The following TRAK1 variants were observed in gnomAD, a reference collection of about 807,000 sequenced individuals.
The protein encoded by TRAK1 is trafficking kinesin protein 1, also known as trafficking kinesin-binding protein 1.
Under a neutral mutation model 92.1 loss-of-function variants are expected in TRAK1, and 33 were observed. That is an observed-to-expected ratio of 0.36 (90% CI 0.27 to 0.48). The LOEUF (loss-of-function observed/expected upper bound fraction) is 0.48. Ranked by LOEUF, TRAK1 falls within the 20% of genes least tolerant of loss-of-function variation. TRAK1 has a pLI of 0.99. For synonymous variants in TRAK1, 521 were observed against 517.3 expected (o/e 1.01, Z -0.10); for missense variants, 1,123 against 1,257.9 (o/e 0.89, Z 1.62).
chr3:42,149,773 G>A (rs901357465), intron 2 of TRAK1, among the ~76,000 whole-genome samples: 1 of 152,082 alleles, frequency 6.6e-6, no homozygotes, highest in African/African-American at 2.4e-5. Flanking sequence ...GTGGCAGGTG[G>A]GCAGGGCTCT....
intron 1 of TRAK1, among the ~76,000 whole-genome samples, chr3:42,039,514 C>G (rs1470364671): frequency 6.6e-6 from 1 of 152,194 alleles, no homozygotes; most frequent in Non-Finnish European, 1.5e-5. Flanking sequence ...CAGGTGCACA[C>G]CAACATGCCC....
intron 2 of TRAK1, among the ~76,000 whole-genome samples, chr3:42,135,520 G>A (rs1158892591): frequency 6.6e-6 from 1 of 152,104 alleles, no homozygotes; most frequent in Non-Finnish European, 1.5e-5. Context: ...TTGAAGCCAG[G>A]CATTGAGACC....
intron 1 of TRAK1, among the ~76,000 whole-genome samples, chr3:42,071,756 C>G (rs975482838): frequency 6.6e-6 from 1 of 151,746 alleles, no homozygotes; most frequent in African/African-American, 2.4e-5. Context: ...TCTTTCTCCC[C>G]CAGAGACCCC....
At position 42,191,623 on chromosome 3, in the gene TRAK1, C is replaced by T. The variant is rs151106971; in HGVS notation, c.756C>T (p.Cys252=). The change falls in exon 7 of 16, where the codon TGC becomes TGT. Residue 252 remains cysteine, a synonymous_variant. Transcript: ENST00000327628. ...AGGAGCAGCAGCTGGTCAATGACTG[C>T]GTGAAGGAGCTGAGTATGTCCCCGC... ...EEKEQQLVND[C]VKELRDANVQ... is the part of the protein sequence containing the mutation. The T allele has an allele frequency of 1.1e-4, 178 of 1,601,820 alleles. No individual in the cohort carries two copies. Among genetic ancestry groups the T allele is most frequent in the Admixed American group, 1.4e-4 (8 of 58,488 alleles).
chr3:42,157,668 A>G (rs1443043396), intron 2 of TRAK1, among the ~76,000 whole-genome samples: 2 of 152,054 alleles, frequency 1.3e-5, no homozygotes, highest in African/African-American at 4.8e-5. Context: ...GTTGGCCTGT[A>G]TTGTTCAAAA....
intron 1 of TRAK1, among the ~76,000 whole-genome samples, chr3:42,035,908 C>T (rs1188676001): frequency 6.6e-6 from 1 of 152,254 alleles, no homozygotes; most frequent in Non-Finnish European, 1.5e-5. Context: ...ACCCTACTTG[C>T]TTCTCTGCAC....
chr3:42,191,530 G>A (rs749722234), intron 6 of TRAK1, 28 bp from the exon 7 acceptor site: 2 of 1,565,554 alleles, frequency 1.3e-6, no homozygotes, highest in South Asian at 1.2e-5. Context: ...TGAGAATGTG[G>A]GGCCTCTGAC....
chr3:42,024,223 C>G (rs2148884068), intron 1 of TRAK1, among the ~76,000 whole-genome samples: 1 of 152,170 alleles, frequency 6.6e-6, no homozygotes, highest in East Asian at 1.9e-4. Context: ...GGGAGAAGAC[C>G]AGAATTGCTG....
chr3:42,100,154 A>G (rs769095297), intron 1 of TRAK1, among the ~76,000 whole-genome samples: 3 of 152,122 alleles, frequency 2.0e-5, no homozygotes, highest in African/African-American at 7.2e-5. Context: ...CAGCCAAGGA[A>G]TTTGAAGCCA....
rs1710668297 is a variant in TRAK1 at position 42,225,105 on chromosome 3, T to A, written c.*1368T>A. On this transcript the variant is annotated 3_prime_UTR_variant, in exon 16 of 16. Transcript: ENST00000327628. The stretch of plus-strand genomic sequence containing the variant: ...TTATTTATGTCTGCCGTATTTTAAA[T>A]AAACATTCTCGTTCCTTCCAGTTTC... 1 of 152,242 alleles carries A rather than the reference T, an allele frequency of 6.6e-6. No individual in the cohort carries two copies. The highest frequency in any genetic ancestry group is 6.5e-5 in the Admixed American group (1 of 15,288). 9.4% of individuals were successfully genotyped at this position (152,242 alleles called of 1,614,324 possible). A position where few individuals can be genotyped will look rare whatever the true frequency, so the allele number is the denominator to read the frequency against.
chr3:42,088,204 T>C (rs943636331), upstream of TRAK1, among the ~76,000 whole-genome samples: 1 of 152,238 alleles, frequency 6.6e-6, no homozygotes, highest in African/African-American at 2.4e-5. Context: ...CAAGTTGGCT[T>C]CCAGTAGCTT....
upstream of TRAK1, among the ~76,000 whole-genome samples, chr3:42,089,764 A>G (rs77025921): frequency 0.02 from 3,016 of 147,618 alleles, 93 homozygotes; most frequent in African/African-American, 0.07. Flanking sequence ...CATCTGCTGA[A>G]CTACTGTATT....
At chr3:42,187,973 G>T in intron 4 of TRAK1, 72 bp from the exon 5 acceptor site, 1 of 1,282,354 alleles carries the variant, frequency 7.8e-7, no homozygotes, top group Non-Finnish European at 1.1e-6. Flanking sequence ...AGTGTTAAGT[G>T]TTGGAATGTG....
chr3:42,170,427 A>G (rs2149339177), intron 2 of TRAK1, among the ~76,000 whole-genome samples: 1 of 152,300 alleles, frequency 6.6e-6, no homozygotes, highest in East Asian at 1.9e-4. Flanking sequence ...TTCCTGGGGC[A>G]TCAGGTGCCA....
intron 13 of TRAK1, among the ~76,000 whole-genome samples, chr3:42,205,739 C>T (rs892015010): frequency 1.3e-5 from 2 of 152,252 alleles, no homozygotes; most frequent in African/African-American, 4.8e-5. Flanking sequence ...CCTGATGCTC[C>T]TCTGACATCA....
chr3:42,092,718 GTTA>G lies in TRAK1; in HGVS notation c.91+1160_91+1162del, dbSNP rs1559754258. ...GTTGTGTTGTGTTGTGTTGTGTTAT[GTTA>G]TGTTATGTTATGTTATGTTATGTTA... On this transcript the variant is annotated intron_variant, in intron 1 of 15. Transcript: ENST00000327628. Among the ~76,000 whole-genome samples the G allele has an allele frequency of 2.3e-3, 303 of 129,404 alleles. 2 individuals are homozygous for G. The highest frequency in any genetic ancestry group is 4.0e-3 in the Non-Finnish European group (237 of 59,390). 84.9% of individuals were successfully genotyped at this position (129,404 alleles called of 152,430 possible). A position where few individuals can be genotyped will look rare whatever the true frequency, so the allele number is the denominator to read the frequency against.
chr3:42,056,376 C>A (rs1488131350), intron 1 of TRAK1, among the ~76,000 whole-genome samples: 1 of 152,100 alleles, frequency 6.6e-6, no homozygotes, highest in Non-Finnish European at 1.5e-5. Context: ...TTATAGAAAT[C>A]CTTGTGGGTA....
chr3:42,095,566 T>C (rs1705782256), intron 1 of TRAK1, among the ~76,000 whole-genome samples: 1 of 152,222 alleles, frequency 6.6e-6, no homozygotes, highest in South Asian at 2.1e-4. Flanking sequence ...TTTATGCACA[T>C]ATTCATTTTC....
At chr3:42,136,963 G>A (rs1015913740) in intron 2 of TRAK1, among the ~76,000 whole-genome samples, 2 of 152,186 alleles carry the variant, frequency 1.3e-5, no homozygotes, top group Non-Finnish European at 2.9e-5. Flanking sequence ...ACAGGCGTGA[G>A]CTACCGTGCC....
Sources: allele counts gnomAD v4.1 joint callset (sites outside exome capture counted in the v4.1 genomes callset), GRCh38; gene constraint gnomAD v4.1.1; transcripts MANE v1.5; gene names NCBI Gene and HGNC (gene_info 2026-07-23, HGNC 2026-07-21).